HEATR5A: variants seen among roughly 807,000 people sequenced by gnomAD.
The protein encoded by HEATR5A is HEAT repeat-containing protein 5A.
Under a neutral mutation model 218.8 loss-of-function variants are expected in HEATR5A, and 178 were observed. The ratio of observed to expected loss-of-function variants is 0.81; its 90% CI spans 0.72 to 0.92. The LOEUF is 0.92. Ranked by LOEUF, HEATR5A falls within the 40% of genes least tolerant of loss-of-function variation. HEATR5A has a pLI of 0.00. For synonymous variants in HEATR5A, 864 were observed against 871.6 expected (o/e 0.99, Z 0.15); for missense variants, 2,420 against 2,418.9 (o/e 1.00, Z -0.01).
At position 31,345,419 on chromosome 14, in the gene HEATR5A, G is replaced by A; in HGVS notation, c.2869-143C>T. The stretch of plus-strand genomic sequence containing the variant: ...TACTCATGTGGAAAGAGAAATGGAG[G>A]ACTTCCAACTCAGAGGCAATCATCC... On this transcript the variant is annotated intron_variant, in intron 19 of 35. Coordinates refer to ENST00000543095, the MANE Select transcript of HEATR5A (RefSeq NM_015473.4). 4 of 640,014 alleles carry A rather than the reference G, an allele frequency of 6.2e-6. No homozygotes were observed. The East Asian group carries it at 1.2e-4, about 19-fold the overall frequency. 39.6% of individuals were successfully genotyped at this position (640,014 alleles called of 1,614,324 possible).
intron 32 of HEATR5A, chr14:31,302,751 T>C: frequency 2.1e-6 from 1 of 468,968 alleles, no homozygotes; most frequent in Non-Finnish European, 3.8e-6. Flanking sequence ...TGTGTGAGTA[T>C]CATTATGCTT....
intron 33 of HEATR5A, among the ~76,000 whole-genome samples, chr14:31,301,391 G>A (rs963096451): frequency 6.6e-6 from 1 of 152,198 alleles, no homozygotes; most frequent in South Asian, 2.1e-4. Context: ...GGGTAGCTAG[G>A]ATTACAGGTG....
chr14:31,415,792 C>T (rs72672670), intron 1 of HEATR5A, among the ~76,000 whole-genome samples: 1 of 152,058 alleles, frequency 6.6e-6, no homozygotes, highest in Admixed American at 6.6e-5. Flanking sequence ...CATGTAGAAA[C>T]CTCCAAATGC....
chr14:31,394,343 C>A, intron 5 of HEATR5A, 117 bp from the exon 6 acceptor site: 1 of 524,508 alleles, frequency 1.9e-6, no homozygotes, highest in Non-Finnish European at 3.2e-6. Context: ...TTCAAAGTAT[C>A]TATTATGATT....
Position 31,345,284 on chromosome 14 carries a change from G to A in HEATR5A, c.2869-8C>T. ...AGAATGTAATGCCCAGGTCTGTAATGACAAAGAAAAACAATTAAAAACATT... is the reference window on the plus strand; with the variant it reads ...AGAATGTAATGCCCAGGTCTGTAATAACAAAGAAAAACAATTAAAAACATT... On this transcript the variant is annotated splice_polypyrimidine_tract_variant and splice_region_variant and intron_variant, in intron 19 of 35. Coordinates refer to ENST00000543095, the MANE Select transcript of HEATR5A (RefSeq NM_015473.4). 1 of 1,579,964 alleles carries A rather than the reference G, an allele frequency of 6.3e-7. No individual in the cohort carries two copies. The highest frequency in any genetic ancestry group is 1.2e-5 in the South Asian group (1 of 85,646).
At chr14:31,322,307 C>T (rs944895910) in intron 24 of HEATR5A, among the ~76,000 whole-genome samples, 3 of 152,152 alleles carry the variant, frequency 2.0e-5, no homozygotes, top group Non-Finnish European at 4.4e-5. Context: ...ATGCCAACTA[C>T]AACTTTAACT....
rs1048569812 is a variant in HEATR5A at position 31,305,228 on chromosome 14, G to A, written c.4967-51C>T. 4 of 1,559,856 alleles carry A rather than the reference G, an allele frequency of 2.6e-6. No homozygotes were observed. The African/African-American group carries it at 4.2e-5, about 16-fold the overall frequency. Reference sequence around the variant, plus strand: ...CTTTGTGCTTGCTCTGCTTCTGGTAGATGGCAATTTAGTTAAATCCTGTTA... The same window carrying A: ...CTTTGTGCTTGCTCTGCTTCTGGTAAATGGCAATTTAGTTAAATCCTGTTA... On this transcript the variant is annotated intron_variant, in intron 31 of 35. Coordinates refer to ENST00000543095, the MANE Select transcript of HEATR5A (RefSeq NM_015473.4).
Position 31,353,659 on chromosome 14 carries a change from T to C in HEATR5A, c.2412-2942A>G, listed in dbSNP as rs560845171. On this transcript the variant is annotated intron_variant, in intron 16 of 35. Coordinates refer to ENST00000543095, the MANE Select transcript of HEATR5A (RefSeq NM_015473.4). ...GCTGAGGCAGGACGATTGCTTGAGC[T>C]TGGGAGACTGAAGCTGCAGTGAGGC... 1.4e-4 allele frequency among the ~76,000 whole-genome samples: 22 copies of C among 152,198 alleles called. 1 individual carries two copies. Among genetic ancestry groups the C allele is most frequent in the Middle Eastern group, 6.8e-3 (2 of 292 alleles).
At chr14:31,322,697 T>C (rs1188720286) in intron 24 of HEATR5A, among the ~76,000 whole-genome samples, 1 of 151,830 alleles carries the variant, frequency 6.6e-6, no homozygotes, top group Non-Finnish European at 1.5e-5. Flanking sequence ...TATATGCCTG[T>C]TGTCCCAGCT....
Position 31,353,533 on chromosome 14 carries a change from C to T in HEATR5A, c.2412-2816G>A, listed in dbSNP as rs546320080. 3.3e-4 allele frequency among the ~76,000 whole-genome samples: 50 copies of T among 151,996 alleles called. 1 individual carries two copies. Among genetic ancestry groups the T allele is most frequent in the African/African-American group, 1.0e-3 (43 of 41,466 alleles). On this transcript the variant is annotated intron_variant, in intron 16 of 35. Coordinates refer to ENST00000543095, the MANE Select transcript of HEATR5A (RefSeq NM_015473.4). ...GGAGGATCGCTTGAGCCCATGAGTT[C>T]GAGACCAGCCTAGGCAACATAGTGA... is the stretch of plus-strand genomic sequence containing the variant.
At chr14:31,355,183 G>A (rs924366200) in intron 16 of HEATR5A, among the ~76,000 whole-genome samples, 4 of 102,168 alleles carry the variant, frequency 3.9e-5, no homozygotes, top group African/African-American at 6.5e-5. Context: ...GGAGGCTGAC[G>A]GGGGCAGATC....
chr14:31,298,930 CA>C (rs982069622), intron 33 of HEATR5A, among the ~76,000 whole-genome samples: 5 of 152,146 alleles, frequency 3.3e-5, no homozygotes, highest in African/African-American at 1.2e-4. Context: ...TGTGCCTCAC[CA>C]CTGTGAGCTC....
At position 31,302,938 on chromosome 14, in the gene HEATR5A, CAA is replaced by C. The variant is rs747481722; in HGVS notation, c.5240-421_5240-420del. On this transcript the variant is annotated intron_variant, in intron 32 of 35. Transcript: ENST00000543095. Reference sequence around the variant, plus strand: ...GCAACACAGTGAGACTTCATCTTTACAAAAAAAAAAAAAAAAAAAAAAAAAAT... The same window carrying C: ...GCAACACAGTGAGACTTCATCTTTACAAAAAAAAAAAAAAAAAAAAAAAAT... Among the ~76,000 whole-genome samples, 856 of 102,066 alleles carry C rather than the reference CAA, an allele frequency of 8.4e-3. 4 individuals carry two copies. Among genetic ancestry groups the C allele is most frequent in the African/African-American group, 0.03 (715 of 23,764 alleles). 67.0% of individuals were successfully genotyped at this position (102,066 alleles called of 152,430 possible). A position where few individuals can be genotyped will look rare whatever the true frequency, so the allele number is the denominator to read the frequency against.
At chr14:31,294,942 TGCAGGCA>T (rs1407038302) in intron 34 of HEATR5A, among the ~76,000 whole-genome samples, 1 of 152,208 alleles carries the variant, frequency 6.6e-6, no homozygotes, top group East Asian at 1.9e-4. Context: ...ACAAAGCTGC[TGCAGGCA>T]GCAGGCAACA....
At chr14:31,320,670 C>T in intron 25 of HEATR5A, 1 of 552,878 alleles carries the variant, frequency 1.8e-6, no homozygotes, top group Non-Finnish European at 3.3e-6. Flanking sequence ...TTGGTCTCAG[C>T]ACTCAGCTTC....
rs757173902 is a variant in HEATR5A at position 31,387,234 on chromosome 14, G to A, written c.1075C>T (p.Arg359Cys). The A allele has an allele frequency of 5.0e-6, 8 of 1,613,750 alleles. No homozygotes were observed. The highest frequency in any genetic ancestry group is 4.0e-5 in the African/African-American group (3 of 74,892). The change falls in exon 8 of 36, where the codon CGT becomes TGT. Residue 359 changes from arginine (R) to cysteine (C), a missense_variant. Transcript: ENST00000543095. Reference sequence around the variant, plus strand: ...GTTCGAAGAATAAATGAAACACAACGGCGACAGCAGACGGCATCGATCTGA... The same window carrying A: ...GTTCGAAGAATAAATGAAACACAACAGCGACAGCAGACGGCATCGATCTGA... ...QTQIDAVCCR[R>C]CVSFILRTTI...
intron 1 of HEATR5A, among the ~76,000 whole-genome samples, chr14:31,409,311 G>A (rs2031194721): frequency 6.6e-6 from 1 of 150,928 alleles, no homozygotes; most frequent in Admixed American, 6.6e-5. Context: ...GCATCCCAAA[G>A]TGCTGGGATT....
At chr14:31,411,563 C>T (rs2031273066) in intron 1 of HEATR5A, among the ~76,000 whole-genome samples, 1 of 152,142 alleles carries the variant, frequency 6.6e-6, no homozygotes, top group Admixed American at 6.5e-5. Flanking sequence ...GGGGGAAATC[C>T]AAGTTGAAAT....
chr14:31,348,224 T>G (rs1230526369), intron 18 of HEATR5A, among the ~76,000 whole-genome samples: 2 of 152,196 alleles, frequency 1.3e-5, no homozygotes, highest in African/African-American at 2.4e-5. Flanking sequence ...AGTTACATTT[T>G]AAAAACTCAA....
Sources: gnomAD v4.1 joint callset for allele counts (sites outside exome capture counted in the v4.1 genomes callset) on GRCh38, gnomAD v4.1.1 for gene constraint, MANE v1.5 for transcripts, NCBI Gene and HGNC (gene_info 2026-07-23, HGNC 2026-07-21) for gene names.